Variants in RALGPS1 observed in about 807,000 individuals in gnomAD.
RALGPS1 encodes the protein ras-specific guanine nucleotide-releasing factor RalGPS1.
In RALGPS1, 19 loss-of-function variants were observed where a neutral mutation model predicts 78.8. The observed-to-expected ratio is 0.24, with a 90% CI of 0.17 to 0.35. The LOEUF (loss-of-function observed/expected upper bound fraction) is 0.35, where lower values mean the gene tolerates loss of function less well. RALGPS1 is among the 10% of genes least tolerant of loss of function. The pLI is 1.00. For synonymous variants in RALGPS1, 228 were observed against 256.3 expected, an observed-to-expected ratio of 0.89 and a Z score of 1.06; for missense variants, 454 against 688.3, an observed-to-expected ratio of 0.66 and a Z score of 3.81.
intron 1 of RALGPS1, among the ~76,000 whole-genome samples, chr9:126,924,150 A>G (rs1260986638): frequency 6.6e-6 from 1 of 152,222 alleles, no homozygotes; most frequent in Non-Finnish European, 1.5e-5. Context: ...GTCCATATGC[A>G]TGTAACAGTT....
At chr9:127,072,369 C>T (rs151334184) in intron 8 of RALGPS1, among the ~76,000 whole-genome samples, 15 of 152,236 alleles carry the variant, frequency 9.9e-5, no homozygotes, top group Admixed American at 8.5e-4. Context: ...CACGCCACCA[C>T]GTCCAGCTAA....
At chr9:127,198,078 C>T (rs2061435850) in intron 13 of RALGPS1, among the ~76,000 whole-genome samples, 1 of 152,254 alleles carries the variant, frequency 6.6e-6, no homozygotes, top group Admixed American at 6.5e-5. Context: ...CAGAGCTGTC[C>T]AACGTCCAGA....
chr9:127,104,639 G>A (rs1006018907), intron 8 of RALGPS1, among the ~76,000 whole-genome samples: 3 of 152,194 alleles, frequency 2.0e-5, no homozygotes, highest in Non-Finnish European at 4.4e-5. Flanking sequence ...TCCTGGCCTG[G>A]GACCACCCTG....
chr9:127,158,519 T>C (rs1339541192), intron 8 of RALGPS1, among the ~76,000 whole-genome samples: 1 of 152,198 alleles, frequency 6.6e-6, no homozygotes, highest in Non-Finnish European at 1.5e-5. Context: ...ATATTGTTCA[T>C]CTGTGTCTTT....
intron 8 of RALGPS1, among the ~76,000 whole-genome samples, chr9:127,137,819 G>A (rs968219147): frequency 6.6e-6 from 1 of 152,238 alleles, no homozygotes; most frequent in African/African-American, 2.4e-5. Flanking sequence ...TGAGCAAGCA[G>A]CGTGTAGAGG....
intron 4 of RALGPS1, among the ~76,000 whole-genome samples, chr9:127,029,745 C>T (rs972786581): frequency 6.6e-6 from 1 of 152,230 alleles, no homozygotes; most frequent in Non-Finnish European, 1.5e-5. Flanking sequence ...GAGGACTTGT[C>T]ACCACTCCCC....
At chr9:127,051,321 T>C (rs555297096) in intron 6 of RALGPS1, among the ~76,000 whole-genome samples, 2 of 152,326 alleles carry the variant, frequency 1.3e-5, no homozygotes, top group South Asian at 4.1e-4. Flanking sequence ...AAATGATCCC[T>C]CCTTAATCTC....
intron 4 of RALGPS1, among the ~76,000 whole-genome samples, chr9:127,022,819 C>CA (rs2045590726): frequency 6.6e-6 from 1 of 152,198 alleles, no homozygotes; most frequent in Non-Finnish European, 1.5e-5. Context: ...ACATCCCCTC[C>CA]AAATATTCCT....
At chr9:126,990,336 A>C (rs2042174705) in intron 4 of RALGPS1, 1 of 236,974 alleles carries the variant, frequency 4.2e-6, no homozygotes, top group Non-Finnish European at 8.2e-6. Flanking sequence ...CCTCACATTG[A>C]GTTCCATCCC....
intron 8 of RALGPS1, among the ~76,000 whole-genome samples, chr9:127,146,542 CTTTTT>C (rs60707997): frequency 8.4e-5 from 11 of 130,822 alleles, no homozygotes; most frequent in Admixed American, 2.3e-4. Context: ...GTGCATGTGT[CTTTTT>C]TTTTTTTTTT....
intron 18 of RALGPS1, chr9:127,217,630 GC>G (rs1260692846): frequency 5.8e-6 from 1 of 172,364 alleles, no homozygotes; most frequent in African/African-American, 2.4e-5. Flanking sequence ...GCCTTGGAAT[GC>G]TGTCCCTCAC....
intron 7 of RALGPS1, among the ~76,000 whole-genome samples, chr9:127,057,463 G>GGCT (rs1357973560): frequency 1.3e-5 from 2 of 152,210 alleles, no homozygotes; most frequent in Non-Finnish European, 2.9e-5. Context: ...CTCCATGGGT[G>GGCT]GCTGCTAAGT....
intron 8 of RALGPS1, among the ~76,000 whole-genome samples, chr9:127,150,957 G>C (rs1294220409): frequency 1.3e-5 from 2 of 152,184 alleles, no homozygotes; most frequent in East Asian, 3.8e-4. Flanking sequence ...ACCGAGGCGG[G>C]CGGATCACGA....
At chr9:127,196,413 G>GT in intron 12 of RALGPS1, 61 bp from the exon 13 acceptor site, 2 of 1,557,866 alleles carry the variant, frequency 1.3e-6, no homozygotes, top group Admixed American at 3.6e-5. Flanking sequence ...CCAGGCAGGT[G>GT]TAACCACTGT....
intron 7 of RALGPS1, among the ~76,000 whole-genome samples, chr9:127,061,751 A>G (rs117960101): frequency 0.012 from 1,831 of 152,182 alleles, 19 homozygotes; most frequent in Non-Finnish European, 0.018. Flanking sequence ...TCCCCTAGAG[A>G]GCCCTTTCCT....
intron 5 of RALGPS1, among the ~76,000 whole-genome samples, chr9:127,044,669 C>T (rs2047600430): frequency 6.6e-6 from 1 of 152,118 alleles, no homozygotes; most frequent in Non-Finnish European, 1.5e-5. Context: ...TATGAATGAT[C>T]TTGTCACCCA....
rs750829801 is a variant in RALGPS1 at position 127,168,695 on chromosome 9, G to A, written c.765G>A (p.Leu255=). 22 of 1,613,368 alleles carry A rather than the reference G, an allele frequency of 1.4e-5. No individual in the cohort carries two copies. The highest frequency in any genetic ancestry group is 1.9e-5 in the Non-Finnish European group (22 of 1,179,308). Residue 255 remains leucine (L), a synonymous_variant, in exon 10 of 19, where the codon CTG becomes CTA. Transcript: ENST00000259351. ...VSCSYDHLTT[L]PHVQKYLKSV... is the part of the protein sequence containing the mutation. Reference sequence around the variant, plus strand: ...CTTTTGCAGATCACCTCACCACCCTGCCCCATGTGCAGAAGTACCTGAAGT... The same window carrying A: ...CTTTTGCAGATCACCTCACCACCCTACCCCATGTGCAGAAGTACCTGAAGT...
chr9:127,005,871 G>T (rs1397345209), intron 4 of RALGPS1, among the ~76,000 whole-genome samples: 8 of 152,188 alleles, frequency 5.3e-5, no homozygotes, highest in Non-Finnish European at 1.2e-4. Flanking sequence ...AGGAGACGTG[G>T]GTGGACAAGT....
At chr9:127,093,849 T>G (rs942106788) in intron 8 of RALGPS1, 1 of 1,614,072 alleles carries the variant, frequency 6.2e-7, no homozygotes, top group Non-Finnish European at 8.5e-7. Context: ...AGGCGGTTGG[T>G]GTTCTCCGGC....
Sources: allele counts gnomAD v4.1 joint callset (sites outside exome capture counted in the v4.1 genomes callset), GRCh38; gene constraint gnomAD v4.1.1; transcripts MANE v1.5; gene names NCBI Gene and HGNC (gene_info 2026-07-23, HGNC 2026-07-21).